ZNF442: variants seen among roughly 807,000 people sequenced by gnomAD.
ZNF442 encodes the protein zinc finger protein 442.
Under a neutral mutation model 57.0 loss-of-function variants are expected in ZNF442, and 45 were observed. The observed-to-expected ratio is 0.79, with a 90% confidence interval of 0.62 to 1.01. The LOEUF (loss-of-function observed/expected upper bound fraction) is 1.01. Among genes scored for constraint, ZNF442 ranks in the 50% least tolerant of loss-of-function variants. ZNF442 has a pLI of 0.00. For missense variants in ZNF442, 690 were observed against 756.5 expected (o/e 0.91, Z 1.03); for synonymous variants, 213 against 241.8 (o/e 0.88, Z 1.10).
the ZNF442 span, among the ~76,000 whole-genome samples, chr19:12,372,326 G>A: frequency 6.6e-6 from 1 of 152,022 alleles, no homozygotes; most frequent in Non-Finnish European, 1.5e-5. Flanking sequence ...AGACATGGTG[G>A]CGGGCGCCTG....
the ZNF442 span, chr19:12,373,636 A>G: frequency 3.5e-6 from 1 of 285,464 alleles, no homozygotes; most frequent in Non-Finnish European, 7.2e-6. Context: ...CATCTGTTCA[A>G]ACCAGCATGG....
In ZNF442 at chr19:12,365,572, G is replaced by T; in HGVS notation, c.-522C>A. ...CGCGGTGTCCCGTGTTCTCCCCAAG[G>T]TTCCCCGCTGCCAGCATAGGACTCA... On this transcript the variant is annotated 5_prime_UTR_variant, in exon 1 of 6. Coordinates refer to ENST00000242804, the MANE Select transcript of ZNF442 (RefSeq NM_030824.3). The T allele has an allele frequency of 2.4e-6, 1 of 423,688 alleles. No homozygotes were observed. 26.2% of individuals were successfully genotyped at this position (423,688 alleles called of 1,614,324 possible).
chr19:12,358,483 C>T (rs1398082528), intron 3 of ZNF442, among the ~76,000 whole-genome samples: 2 of 152,174 alleles, frequency 1.3e-5, no homozygotes, highest in Admixed American at 6.5e-5. Context: ...GTGAATAGTG[C>T]TGCAATATGC....
chr19:12,366,712 C>T (rs183851346), upstream of ZNF442, among the ~76,000 whole-genome samples: 39 of 152,260 alleles, frequency 2.6e-4, 1 homozygote, highest in Admixed American at 2.1e-3. Context: ...CTCACTGCAA[C>T]CTCCGCCTCC....
chr19:12,373,553 G>C, the ZNF442 span: 1 of 159,082 alleles, frequency 6.3e-6, no homozygotes, highest in African/African-American at 2.4e-5. Flanking sequence ...AAAAATAAAA[G>C]AAAGAAAGGC....
At position 12,365,628 on chromosome 19, in the gene ZNF442, G is replaced by C. The variant is rs1421396391; in HGVS notation, c.-578C>G. On this transcript the variant is annotated 5_prime_UTR_variant, in exon 1 of 6. Coordinates refer to ENST00000242804, the MANE Select transcript of ZNF442 (RefSeq NM_030824.3). ...ACAGTGCCTGCCACTGACCTGCCAG[G>C]GCTTCTCTCAGCTACAGAGCCAGGA... 3.7e-6 allele frequency: 1 copy of C among 271,952 alleles called. No homozygotes were observed. The highest frequency in any genetic ancestry group is 7.4e-6 in the Non-Finnish European group (1 of 135,810). The allele number at this position is 271,952 out of a possible 1,614,324, so 16.8% of individuals were successfully genotyped here.
upstream of ZNF442, among the ~76,000 whole-genome samples, chr19:12,370,904 C>T (rs147720764): frequency 2.5e-3 from 366 of 148,958 alleles, 9 homozygotes; most frequent in East Asian, 0.064. Flanking sequence ...ACCCGGAAGG[C>T]GGAGGTTGCA....
chr19:12,352,397 T>C (rs923600359), intron 4 of ZNF442, among the ~76,000 whole-genome samples: 1 of 152,080 alleles, frequency 6.6e-6, no homozygotes, highest in Non-Finnish European at 1.5e-5. Context: ...TCTAGATTTT[T>C]AGTAGAGACG....
At chr19:12,353,185 A>T (rs1021375715) in intron 3 of ZNF442, 71 bp from the exon 4 acceptor site, 1 of 1,483,682 alleles carries the variant, frequency 6.7e-7, no homozygotes, top group Non-Finnish European at 9.0e-7. Flanking sequence ...CCCACTTCAT[A>T]AACTTTGCAT....
chr19:12,356,627 C>CAAAAAAA (rs902166496), intron 3 of ZNF442, among the ~76,000 whole-genome samples: 8 of 133,850 alleles, frequency 6.0e-5, no homozygotes, highest in African/African-American at 2.4e-4. Context: ...AACTCCGTCT[C>CAAAAAAA]AAAAAAAAAA....
chr19:12,364,605 C>G (rs923860040), intron 2 of ZNF442, among the ~76,000 whole-genome samples, 197 bp downstream of exon 2: 2 of 151,950 alleles, frequency 1.3e-5, no homozygotes, highest in Admixed American at 1.3e-4. Flanking sequence ...ACTACCACCC[C>G]TAGGAGGAGT....
upstream of ZNF442, among the ~76,000 whole-genome samples, chr19:12,369,204 A>G (rs1174580154): frequency 2.6e-5 from 4 of 152,150 alleles, no homozygotes. Context: ...TCCTCCTCCT[A>G]GAGCTGTGGG....
chr19:12,362,073 C>T (rs1471368073), intron 3 of ZNF442, among the ~76,000 whole-genome samples: 10 of 152,188 alleles, frequency 6.6e-5, no homozygotes, highest in Admixed American at 5.9e-4. Flanking sequence ...CTCGCTACAA[C>T]CTCCACCTCC....
At chr19:12,373,456 C>T in the ZNF442 span, among the ~76,000 whole-genome samples, 2 of 152,096 alleles carry the variant, frequency 1.3e-5, no homozygotes, top group Non-Finnish European at 1.5e-5. Context: ...GTGGGAGGAT[C>T]GCTTGAGCCC....
At chr19:12,351,844 A>G (rs1969243404) in intron 5 of ZNF442, 166 bp downstream of exon 5, 2 of 583,736 alleles carry the variant, frequency 3.4e-6, no homozygotes, top group Admixed American at 3.4e-5. Flanking sequence ...TTTTGCAAAC[A>G]CTGAATAGTT....
upstream of ZNF442, among the ~76,000 whole-genome samples, chr19:12,367,192 G>A (rs569611810): frequency 1.5e-4 from 23 of 152,180 alleles, no homozygotes; most frequent in Non-Finnish European, 2.8e-4. Context: ...GAAATTAAGA[G>A]AAAGAGTACA....
chr19:12,354,811 T>G (rs1486167907), intron 3 of ZNF442, among the ~76,000 whole-genome samples: 1 of 152,262 alleles, frequency 6.6e-6, no homozygotes. Flanking sequence ...TTATTAACAT[T>G]ATTTTCTCTA....
upstream of ZNF442, among the ~76,000 whole-genome samples, chr19:12,369,988 C>T (rs919770788): frequency 1.3e-5 from 2 of 151,632 alleles, no homozygotes; most frequent in Admixed American, 6.6e-5. Flanking sequence ...TATCAGTGAT[C>T]TAAACCAGCA....
chr19:12,349,984 T>A lies in ZNF442; in HGVS notation c.1601A>T (p.His534Leu). ...AFSHFGNLKV[H>L]ERIHTGEKPY... ...CTTCTCTCCAGTGTGAATCCTTTCA[T>A]GGACTTTTAAGTTACCAAAATGACT... is the stretch of plus-strand genomic sequence containing the variant. The change falls in exon 6 of 6, where the codon CAT becomes CTT. Residue 534 changes from histidine (H) to leucine (L), a missense_variant. Transcript: ENST00000242804. 6 of 1,614,230 alleles carry A rather than the reference T, an allele frequency of 3.7e-6. No individual in the cohort carries two copies. Among genetic ancestry groups the A allele is most frequent in the Non-Finnish European group, 4.2e-6 (5 of 1,180,030 alleles).
Sources: allele counts gnomAD v4.1 joint callset (sites outside exome capture counted in the v4.1 genomes callset), GRCh38; gene constraint gnomAD v4.1.1; transcripts MANE v1.5; gene names NCBI Gene and HGNC (gene_info 2026-07-23, HGNC 2026-07-21).